The following KCNH5 variants were observed in gnomAD, a reference collection of about 807,000 sequenced individuals.
KCNH5 encodes the protein potassium voltage-gated channel subfamily H member 5, also known as voltage-gated delayed rectifier potassium channel KCNH5.
Under a neutral mutation model 96.1 loss-of-function variants are expected in KCNH5, and 46 were observed. That is an observed-to-expected ratio of 0.48 (90% confidence interval 0.38 to 0.61). The LOEUF (loss-of-function observed/expected upper bound fraction) is 0.61. KCNH5 is among the 20% of genes least tolerant of loss of function. The pLI is 0.00. For synonymous variants in KCNH5, 439 were observed against 449.8 expected (o/e 0.98, Z 0.30); for missense variants, 907 against 1,225.8 (o/e 0.74, Z 3.88).
chr14:62,715,114 C>T (rs555994172), intron 10 of KCNH5, among the ~76,000 whole-genome samples: 4 of 152,200 alleles, frequency 2.6e-5, no homozygotes, highest in South Asian at 4.2e-4. Context: ...GCCAACTGAG[C>T]TTTCCATTTC....
rs1403841475 is a variant in KCNH5, at chr14:62,802,429, C to T, written c.1722G>A (p.Gly574=). ...TTTCTCCAGCATGGTAAATGAGGTCCCCGGGAGCACAGTGAATGGTTTGGA... is the reference window on the plus strand; with the variant it reads ...TTTCTCCAGCATGGTAAATGAGGTCTCCGGGAGCACAGTGAATGGTTTGGA... The part of the protein sequence containing the change: ...VEFQTIHCAP[G]DLIYHAGESV... Residue 574 remains glycine, a synonymous_variant, in exon 9 of 11, where the codon GGG becomes GGA. Coordinates refer to ENST00000322893, the MANE Select transcript of KCNH5 (RefSeq NM_139318.5). 6.2e-7 allele frequency: 1 copy of T among 1,613,986 alleles called. No individual in the cohort carries two copies. Among genetic ancestry groups the T allele is most frequent in the Non-Finnish European group, 8.5e-7 (1 of 1,180,010 alleles).
chr14:62,901,306 T>C (rs1198419917), intron 7 of KCNH5, among the ~76,000 whole-genome samples: 1 of 152,152 alleles, frequency 6.6e-6, no homozygotes, highest in Non-Finnish European at 1.5e-5. Context: ...TACTGAGGTG[T>C]AGGGTGTGAC....
At chr14:62,728,650 T>G (rs916070790) in intron 10 of KCNH5, among the ~76,000 whole-genome samples, 1 of 152,346 alleles carries the variant, frequency 6.6e-6, no homozygotes, top group South Asian at 2.1e-4. Context: ...GTCATTCATA[T>G]ATTCATTAGA....
intron 7 of KCNH5, among the ~76,000 whole-genome samples, chr14:62,867,244 C>A (rs1484072717): frequency 1.3e-5 from 2 of 152,144 alleles, no homozygotes; most frequent in African/African-American, 4.8e-5. Context: ...GTAAAAATAG[C>A]CTCTGCCGCA....
chr14:62,906,310 C>T (rs1430710908), intron 7 of KCNH5, among the ~76,000 whole-genome samples: 2 of 152,034 alleles, frequency 1.3e-5, no homozygotes, highest in East Asian at 1.9e-4. Flanking sequence ...CAGACAGACA[C>T]GCACATACTT....
chr14:62,826,082 T>C (rs1399979242), intron 8 of KCNH5, among the ~76,000 whole-genome samples: 1 of 152,156 alleles, frequency 6.6e-6, no homozygotes, highest in African/African-American at 2.4e-5. Context: ...TATTTTTGTG[T>C]ACCTGACTGA....
intron 7 of KCNH5, among the ~76,000 whole-genome samples, chr14:62,903,906 T>A (rs1888978011): frequency 6.6e-6 from 1 of 151,788 alleles, no homozygotes; most frequent in Admixed American, 6.6e-5. Context: ...TTATAAATCA[T>A]ATTTTTTTAT....
At chr14:62,784,564 G>T (rs563756719) in intron 9 of KCNH5, among the ~76,000 whole-genome samples, 1 of 151,950 alleles carries the variant, frequency 6.6e-6, no homozygotes, top group South Asian at 2.1e-4. Context: ...CATTTTCACC[G>T]ATGTCTTTCA....
chr14:62,774,558 G>A (rs985199818), intron 10 of KCNH5, among the ~76,000 whole-genome samples: 7 of 152,162 alleles, frequency 4.6e-5, no homozygotes, highest in Non-Finnish European at 7.4e-5. Flanking sequence ...TAAAATGTAG[G>A]TGTCACCTGT....
In KCNH5 at chr14:62,888,475, C is replaced by T. The variant is rs117053471; in HGVS notation, c.1370-38623G>A. On this transcript the variant is annotated intron_variant, in intron 7 of 10. Coordinates refer to ENST00000322893, the MANE Select transcript of KCNH5 (RefSeq NM_139318.5). ...GTGAGAAATTTGAATTACACCTAAC[C>T]TGGCAGTGGGCAGGCATCTGAAACA... Among the ~76,000 whole-genome samples the T allele has an allele frequency of 5.0e-3, 767 of 152,250 alleles. 2 individuals carry two copies. Among genetic ancestry groups the T allele is most frequent in the Non-Finnish European group, 8.1e-3 (553 of 68,006 alleles).
At chr14:62,979,779 C>A (rs1372749798) in intron 6 of KCNH5, among the ~76,000 whole-genome samples, 6 of 152,110 alleles carry the variant, frequency 3.9e-5, no homozygotes, top group Admixed American at 3.3e-4. Flanking sequence ...TAAGTTAGAG[C>A]CTGAGAAGCT....
chr14:62,735,232 A>G (rs1885132477), intron 10 of KCNH5, among the ~76,000 whole-genome samples: 1 of 152,170 alleles, frequency 6.6e-6, no homozygotes, highest in South Asian at 2.1e-4. Flanking sequence ...TAATCAAACC[A>G]ATGTTGATGA....
At chr14:62,735,255 A>G (rs2139928874) in intron 10 of KCNH5, among the ~76,000 whole-genome samples, 1 of 152,296 alleles carries the variant, frequency 6.6e-6, no homozygotes, top group South Asian at 2.1e-4. Context: ...TAAGGGGGTG[A>G]CAAGAATGCT....
chr14:62,904,273 G>T (rs143340787), intron 7 of KCNH5, among the ~76,000 whole-genome samples: 5 of 151,968 alleles, frequency 3.3e-5, no homozygotes, highest in Non-Finnish European at 7.4e-5. Context: ...TTTTTCCTTC[G>T]CTGGCATAAA....
chr14:62,806,043 G>C (rs1183958087), intron 8 of KCNH5, among the ~76,000 whole-genome samples: 1 of 152,104 alleles, frequency 6.6e-6, no homozygotes, highest in Non-Finnish European at 1.5e-5. Flanking sequence ...TGATAAAACA[G>C]GTTGCAGTAA....
At chr14:62,810,716 C>A (rs1886856352) in intron 8 of KCNH5, among the ~76,000 whole-genome samples, 1 of 152,040 alleles carries the variant, frequency 6.6e-6, no homozygotes, top group African/African-American at 2.4e-5. Context: ...ATGAATAATC[C>A]ACCCCTTGTT....
intron 6 of KCNH5, among the ~76,000 whole-genome samples, chr14:62,978,351 A>T (rs1890540527): frequency 6.6e-6 from 1 of 152,152 alleles, no homozygotes; most frequent in Non-Finnish European, 1.5e-5. Context: ...TGATGAAAGG[A>T]GATTTGAGCG....
chr14:62,915,791 C>T (rs1013307789), intron 7 of KCNH5, among the ~76,000 whole-genome samples: 1 of 152,112 alleles, frequency 6.6e-6, no homozygotes, highest in Non-Finnish European at 1.5e-5. Context: ...AAGTATTGCA[C>T]GTACATTACT....
At chr14:63,031,767 T>C (rs1185046197) in intron 1 of KCNH5, among the ~76,000 whole-genome samples, 1 of 152,108 alleles carries the variant, frequency 6.6e-6, no homozygotes, top group African/African-American at 2.4e-5. Context: ...ACCACACACA[T>C]ACAAAAGGGT....
Sources: gnomAD v4.1 joint callset for allele counts (sites outside exome capture counted in the v4.1 genomes callset) on GRCh38, gnomAD v4.1.1 for gene constraint, MANE v1.5 for transcripts, NCBI Gene and HGNC (gene_info 2026-07-23, HGNC 2026-07-21) for gene names.